PTPRO: variants seen among roughly 807,000 people sequenced by gnomAD.
PTPRO encodes receptor-type tyrosine-protein phosphatase O.
PTPRO carries 62 observed loss-of-function variants against 145.2 expected under a neutral mutation model. That is an observed-to-expected ratio of 0.43 (90% CI 0.35 to 0.53). PTPRO has a LOEUF of 0.53. Among genes scored for constraint, PTPRO ranks in the 20% least tolerant of loss-of-function variants. The pLI, the probability that PTPRO is intolerant of heterozygous loss-of-function variation, is 0.01. For synonymous variants in PTPRO, 565 were observed against 514.7 expected, an observed-to-expected ratio of 1.10 and a Z score of -1.32; for missense variants, 1,345 against 1,482.7, an observed-to-expected ratio of 0.91 and a Z score of 1.53.
At chr12:15,573,088 A>G (rs1212802828) in intron 19 of PTPRO, among the ~76,000 whole-genome samples, 1 of 152,172 alleles carries the variant, frequency 6.6e-6, no homozygotes, top group Non-Finnish European at 1.5e-5. Flanking sequence ...TTTATATAGA[A>G]CAAATATGAT....
In PTPRO at chr12:15,444,500, GA is replaced by G. The variant is rs972028089; in HGVS notation, c.76-39465del. Reference sequence around the variant, plus strand: ...CAAATCAAAACTAAAAATTGAAAAAGAAAAAAAAAGTTTTAAAGGCAAATCC... The same window carrying G: ...CAAATCAAAACTAAAAATTGAAAAAGAAAAAAAAGTTTTAAAGGCAAATCC... On this transcript the variant is annotated intron_variant, in intron 1 of 26. Transcript: ENST00000281171. Among the ~76,000 whole-genome samples, 17 of 150,470 alleles carry G rather than the reference GA, an allele frequency of 1.1e-4. No homozygotes were observed. The South Asian group carries it at 1.7e-3, about 15-fold the overall frequency.
chr12:15,568,707 G>C (rs977266044), intron 18 of PTPRO, among the ~76,000 whole-genome samples: 6 of 152,196 alleles, frequency 3.9e-5, no homozygotes, highest in Non-Finnish European at 4.4e-5. Context: ...GAGAACTTCT[G>C]CTGCGGATGC....
intron 1 of PTPRO, among the ~76,000 whole-genome samples, chr12:15,355,019 AT>A (rs1386485322): frequency 6.6e-6 from 1 of 152,142 alleles, no homozygotes; most frequent in African/African-American, 2.4e-5. Context: ...TTGTTCTATT[AT>A]TTTTGAAATT....
chr12:15,585,169 A>AAG (rs1555096429), intron 23 of PTPRO, among the ~76,000 whole-genome samples: 1 of 152,194 alleles, frequency 6.6e-6, no homozygotes, highest in Non-Finnish European at 1.5e-5. Flanking sequence ...ACCGTACTGG[A>AAG]ATATATATAT....
intron 15 of PTPRO, among the ~76,000 whole-genome samples, chr12:15,554,026 C>G (rs566229746): frequency 6.6e-6 from 1 of 152,180 alleles, no homozygotes; most frequent in Admixed American, 6.5e-5. Flanking sequence ...GAAACCCTGT[C>G]TCTACTGAAA....
intron 23 of PTPRO, among the ~76,000 whole-genome samples, chr12:15,584,730 T>C (rs963556583): frequency 6.6e-6 from 1 of 152,208 alleles, no homozygotes; most frequent in Non-Finnish European, 1.5e-5. Context: ...TAATATATTT[T>C]TCAATTTGTT....
At position 15,438,937 on chromosome 12, in the gene PTPRO, C is replaced by T. The variant is rs116995312; in HGVS notation, c.76-45037C>T. Among the ~76,000 whole-genome samples, 18 of 152,154 alleles carry T rather than the reference C, an allele frequency of 1.2e-4. No homozygotes were observed. In the East Asian group the frequency reaches 1.7e-3, roughly 15 times the overall value. ...TAGTCACCAGATTGAGCAAGGTCAA[C>T]GCTAAAGAAAAAATCTTAAAGACTG... On this transcript the variant is annotated intron_variant, in intron 1 of 26. Transcript: ENST00000281171.
At chr12:15,465,978 T>C (rs549369107) in intron 1 of PTPRO, among the ~76,000 whole-genome samples, 28 of 152,188 alleles carry the variant, frequency 1.8e-4, no homozygotes, top group Non-Finnish European at 4.0e-4. Flanking sequence ...ATACTTAGAA[T>C]GCACCCAGCT....
At chr12:15,444,161 G>C (rs958814822) in intron 1 of PTPRO, among the ~76,000 whole-genome samples, 1 of 152,058 alleles carries the variant, frequency 6.6e-6, no homozygotes, top group African/African-American at 2.4e-5. Context: ...CCATAGAAGA[G>C]AACAAAATTA....
At chr12:15,471,259 G>T (rs1279142802) in intron 1 of PTPRO, among the ~76,000 whole-genome samples, 1 of 151,986 alleles carries the variant, frequency 6.6e-6, no homozygotes, top group African/African-American at 2.4e-5. Flanking sequence ...GCATGCCTGT[G>T]GTCCCAGATA....
At chr12:15,561,758 G>C (rs1403526441) in intron 17 of PTPRO, among the ~76,000 whole-genome samples, 1 of 152,018 alleles carries the variant, frequency 6.6e-6, no homozygotes, top group Non-Finnish European at 1.5e-5. Flanking sequence ...AATACTAACA[G>C]CAAATACCCA....
At chr12:15,507,599 C>T (rs910018511) in intron 6 of PTPRO, among the ~76,000 whole-genome samples, 1 of 152,196 alleles carries the variant, frequency 6.6e-6, no homozygotes. Context: ...AAGAGAACTA[C>T]GGTAGCATCC....
At chr12:15,492,882 G>A (rs1256189375) in intron 2 of PTPRO, among the ~76,000 whole-genome samples, 1 of 151,696 alleles carries the variant, frequency 6.6e-6, no homozygotes, top group East Asian at 1.9e-4. Context: ...AGGAGGGAAT[G>A]GTGGGCACAA....
chr12:15,338,414 G>C (rs1247584154), intron 1 of PTPRO, among the ~76,000 whole-genome samples: 1 of 152,048 alleles, frequency 6.6e-6, no homozygotes, highest in Non-Finnish European at 1.5e-5. Flanking sequence ...AAGCAAATTT[G>C]AAGCACCTAG....
In PTPRO at chr12:15,474,478, A is replaced by G. The variant is rs187591413; in HGVS notation, c.76-9496A>G. Among the ~76,000 whole-genome samples the G allele has an allele frequency of 1.8e-4, 27 of 152,338 alleles. No homozygotes were observed. The East Asian group carries it at 5.0e-3, about 28-fold the overall frequency. On this transcript the variant is annotated intron_variant, in intron 1 of 26. Transcript: ENST00000281171. ...TATGGAAAGATAAGTACCAAGAGGC[A>G]TAAGGATATATGGATCCTAGACCTT...
intron 8 of PTPRO, 62 bp from the exon 9 acceptor site, chr12:15,516,701 G>C: frequency 1.4e-6 from 2 of 1,427,352 alleles, no homozygotes; most frequent in Non-Finnish European, 2.0e-6. Flanking sequence ...AGAAGTTTGA[G>C]GCCATTGCTA....
chr12:15,341,191 C>T (rs1445309606), intron 1 of PTPRO, among the ~76,000 whole-genome samples: 3 of 152,172 alleles, frequency 2.0e-5, no homozygotes, highest in East Asian at 3.9e-4. Context: ...ACTCTTAATA[C>T]ACAATTAAAG....
At chr12:15,489,627 A>C (rs918358578) in intron 2 of PTPRO, among the ~76,000 whole-genome samples, 1 of 152,174 alleles carries the variant, frequency 6.6e-6, no homozygotes, top group African/African-American at 2.4e-5. Flanking sequence ...ACCAGAGGTC[A>C]GTCTCATAGC....
chr12:15,564,953 A>T (rs568844390), intron 17 of PTPRO, among the ~76,000 whole-genome samples: 50 of 152,218 alleles, frequency 3.3e-4, no homozygotes, highest in Non-Finnish European at 6.5e-4. Context: ...AATGTAACTA[A>T]CTAAAGCATG....
Sources: gnomAD v4.1 joint callset for allele counts (sites outside exome capture counted in the v4.1 genomes callset) on GRCh38, gnomAD v4.1.1 for gene constraint, MANE v1.5 for transcripts, NCBI Gene and HGNC (gene_info 2026-07-23, HGNC 2026-07-21) for gene names.